The following TG variants were observed in gnomAD, a reference collection of about 807,000 sequenced individuals.
TG encodes the protein thyroglobulin, also known as thyroid hormones.
Under a neutral mutation model 324.7 loss-of-function variants are expected in TG, and 270 were observed. The observed-to-expected ratio is 0.83, with a 90% CI of 0.75 to 0.92. TG has a LOEUF of 0.92. TG is among the 40% of genes least tolerant of loss of function. TG has a pLI of 0.00. For missense variants in TG, 3,591 were observed against 3,456.4 expected (o/e 1.04, Z -0.98); for synonymous variants, 1,401 against 1,327.0 (o/e 1.06, Z -1.21).
At chr8:133,039,556 T>C (rs1481082189) in intron 41 of TG, among the ~76,000 whole-genome samples, 3 of 152,184 alleles carry the variant, frequency 2.0e-5, no homozygotes, top group Non-Finnish European at 4.4e-5. Context: ...AACAAATCCA[T>C]GAAAGTTTTT....
intron 41 of TG, among the ~76,000 whole-genome samples, chr8:133,054,801 C>T (rs985234419): frequency 6.6e-6 from 1 of 152,172 alleles, no homozygotes; most frequent in Non-Finnish European, 1.5e-5. Context: ...AACGAATCCA[C>T]AAAGGGGAGG....
chr8:133,134,703 A>T lies in TG; in HGVS notation c.8216A>T (p.Glu2739Val). 6.2e-7 allele frequency: 1 copy of T among 1,614,050 alleles called. No homozygotes were observed. Among genetic ancestry groups the T allele is most frequent in the Non-Finnish European group, 8.5e-7 (1 of 1,179,958 alleles). Reference sequence around the variant, plus strand: ...GGAGCCAAGGGCGGGCAGTCAGCAGAGAGTGAAGAGGAGGAGTTGACGGCT... The same window carrying T: ...GGAGCCAAGGGCGGGCAGTCAGCAGTGAGTGAAGAGGAGGAGTTGACGGCT... ...ADGAKGGQSA[E>V]SEEEELTAGS... Residue 2739 changes from glutamate to valine, a missense_variant, in exon 48 of 48, where the codon GAG becomes GTG. Glu to Val is a moderately radical substitution (Grantham distance 121). Coordinates refer to ENST00000220616, the MANE Select transcript of TG (RefSeq NM_003235.5).
intron 34 of TG, among the ~76,000 whole-genome samples, chr8:132,975,935 T>C (rs537976613): frequency 5.6e-4 from 85 of 152,324 alleles, no homozygotes; most frequent in Non-Finnish European, 9.8e-4. Flanking sequence ...GGGTCTCTCT[T>C]ACTATAAGTT....
At chr8:133,093,956 A>C (rs1332566911) in intron 41 of TG, among the ~76,000 whole-genome samples, 1 of 152,168 alleles carries the variant, frequency 6.6e-6, no homozygotes, top group Non-Finnish European at 1.5e-5. Context: ...AGTGGTTGCT[A>C]TTATTTCCAT....
chr8:132,941,112 G>C (rs935636380), intron 25 of TG, among the ~76,000 whole-genome samples: 1 of 152,172 alleles, frequency 6.6e-6, no homozygotes, highest in Non-Finnish European at 1.5e-5. Flanking sequence ...CCTTGAAGAC[G>C]TGTTGGGCAT....
intron 35 of TG, among the ~76,000 whole-genome samples, chr8:132,999,262 T>C (rs1482349195): frequency 6.6e-6 from 1 of 152,148 alleles, no homozygotes. Flanking sequence ...TTCTGCTTTT[T>C]GATTGGGGGA....
At chr8:132,989,742 GT>G (rs1832067876) in intron 35 of TG, among the ~76,000 whole-genome samples, 1 of 152,200 alleles carries the variant, frequency 6.6e-6, no homozygotes, top group Non-Finnish European at 1.5e-5. Context: ...TTCTGCAAAT[GT>G]TTTTCATTAA....
chr8:132,931,242 G>A (rs552933349), intron 23 of TG, among the ~76,000 whole-genome samples: 10 of 152,248 alleles, frequency 6.6e-5, no homozygotes, highest in African/African-American at 2.2e-4. Flanking sequence ...TTGCCTTAGG[G>A]CCCACCCTAA....
chr8:132,908,265 C>T lies in TG; in HGVS notation c.3927C>T (p.Asp1309=), dbSNP rs1818971836. ...CGCCGGGCAAGATGTGCAGTGCTGA[C>T]TACGCGGATTTGCTGCAGACTTTCC... ...QLPPGKMCSA[D]YADLLQTFQV... Residue 1309 remains aspartate, a synonymous_variant, in exon 18 of 48, where the codon GAC becomes GAT. Coordinates refer to ENST00000220616, the MANE Select transcript of TG (RefSeq NM_003235.5). 1 of 1,613,966 alleles carries T rather than the reference C, an allele frequency of 6.2e-7. No individual in the cohort carries two copies. The highest frequency in any genetic ancestry group is 8.5e-7 in the Non-Finnish European group (1 of 1,179,972).
At chr8:132,946,987 G>A (rs1224470229) in intron 26 of TG, among the ~76,000 whole-genome samples, 2 of 152,154 alleles carry the variant, frequency 1.3e-5, no homozygotes, top group East Asian at 1.9e-4. Context: ...TGGCTTTCAA[G>A]TGAGCCAGAC....
In TG at chr8:133,134,856, T is replaced by A; in HGVS notation, c.*62T>A. On this transcript the variant is annotated 3_prime_UTR_variant, in exon 48 of 48. Transcript: ENST00000220616. ...TGCCCACTATGGTCATCTTTTTCTC[T>A]AAAATAGCCACTTACCTTCAATAAA... The A allele has an allele frequency of 7.7e-7, 1 of 1,295,910 alleles. No homozygotes were observed. The highest frequency in any genetic ancestry group is 1.1e-6 in the Non-Finnish European group (1 of 891,274). The allele number at this position is 1,295,910 out of a possible 1,614,324, so 80.3% of individuals were successfully genotyped here.
intron 43 of TG, among the ~76,000 whole-genome samples, chr8:133,104,758 T>A (rs1042668423): frequency 6.6e-5 from 10 of 152,104 alleles, no homozygotes; most frequent in African/African-American, 2.4e-4. Flanking sequence ...CTGATTGGAA[T>A]AGGCTGGGGG....
At position 132,887,168 on chromosome 8, in the gene TG, T is replaced by C. The variant is rs1815537564; in HGVS notation, c.1796T>C (p.Met599Thr). Residue 599 changes from methionine (M) to threonine (T), a missense_variant, in exon 9 of 48, where the codon ATG becomes ACG. By Grantham distance (81) the Met-to-Thr change is moderately conservative. Coordinates refer to ENST00000220616, the MANE Select transcript of TG (RefSeq NM_003235.5). Reference sequence around the variant, plus strand: ...GTGGCAAGAGATTTAGGTGATGTGATGGAAACGGTACTCAGCTCCCAGACC... The same window carrying C: ...GTGGCAAGAGATTTAGGTGATGTGACGGAAACGGTACTCAGCTCCCAGACC... ...EDVARDLGDV[M>T]ETVLSSQTCE... is the part of the protein sequence containing the mutation. 6.2e-7 allele frequency: 1 copy of C among 1,614,182 alleles called. No individual in the cohort carries two copies. Among genetic ancestry groups the C allele is most frequent in the Non-Finnish European group, 8.5e-7 (1 of 1,180,010 alleles).
intron 16 of TG, among the ~76,000 whole-genome samples, chr8:132,904,895 T>C (rs1818449866): frequency 1.3e-5 from 2 of 152,152 alleles, no homozygotes; most frequent in Admixed American, 1.3e-4. Context: ...TCTAGCACAC[T>C]GGTGGAGGAT....
intron 10 of TG, 128 bp from the exon 11 acceptor site, chr8:132,893,562 T>A: frequency 8.0e-7 from 1 of 1,255,828 alleles, no homozygotes; most frequent in African/African-American, 1.6e-5. Flanking sequence ...GGTGTGTATG[T>A]GTGTGGTGTG....
chr8:132,934,980 C>T (rs1259295501), intron 24 of TG, among the ~76,000 whole-genome samples: 2 of 152,054 alleles, frequency 1.3e-5, no homozygotes, highest in Non-Finnish European at 2.9e-5. Context: ...GCTCCAGCCT[C>T]TCTCTCCTCT....
chr8:133,133,484 C>T lies in TG; in HGVS notation c.8012C>T (p.Pro2671Leu). The change falls in exon 47 of 48, where the codon CCT becomes CTT. Residue 2671 changes from proline (P) to leucine (L), a missense_variant. Pro to Leu is a moderately conservative substitution (Grantham distance 98). Transcript: ENST00000220616. ...CATTTGCCCAGAAATCCCAACTACC[C>T]TTATGAGTTCTCACGGAAAGTACCC... ...HFIRSGNPNY[P>L]YEFSRKVPTF... is the part of the protein sequence containing the mutation. The T allele has an allele frequency of 1.2e-6, 2 of 1,614,212 alleles. No homozygotes were observed. The highest frequency in any genetic ancestry group is 1.7e-6 in the Non-Finnish European group (2 of 1,180,034).
At chr8:132,957,298 G>T (rs996177938) in intron 27 of TG, among the ~76,000 whole-genome samples, 1 of 152,102 alleles carries the variant, frequency 6.6e-6, no homozygotes, top group Non-Finnish European at 1.5e-5. Flanking sequence ...GTTGAAACAG[G>T]CAAAAACCAA....
At chr8:132,942,202 T>A (rs1824548757) in intron 26 of TG, among the ~76,000 whole-genome samples, 1 of 152,252 alleles carries the variant, frequency 6.6e-6, no homozygotes, top group South Asian at 2.1e-4. Context: ...GGCTGTGCGA[T>A]CTTGGACAAG....
Sources: gnomAD v4.1 joint callset for allele counts (sites outside exome capture counted in the v4.1 genomes callset) on GRCh38, gnomAD v4.1.1 for gene constraint, MANE v1.5 for transcripts, NCBI Gene and HGNC (gene_info 2026-07-23, HGNC 2026-07-21) for gene names.